TAFA2: variants seen among roughly 807,000 people sequenced by gnomAD.
TAFA2 encodes the protein TAFA chemokine like family member 2.
A neutral mutation model predicts 18.8 loss-of-function variants in TAFA2; 7 were observed. The observed-to-expected ratio is 0.37, with a 90% CI of 0.21 to 0.70. The LOEUF (loss-of-function observed/expected upper bound fraction) is 0.70. TAFA2 is among the 30% of genes least tolerant of loss of function. The pLI is 0.53. For missense variants in TAFA2, 122 were observed against 158.1 expected (o/e 0.77, Z 1.23); for synonymous variants, 60 against 54.2 (o/e 1.11, Z -0.47).
At chr12:62,148,750 T>G (rs1337282721) in intron 1 of TAFA2, among the ~76,000 whole-genome samples, 1 of 152,188 alleles carries the variant, frequency 6.6e-6, no homozygotes. Context: ...GACAAAGGGT[T>G]TTGTCTCACT....
At chr12:62,221,204 AGGAAGGAAGGGG>A (rs2062759699) in intron 1 of TAFA2, among the ~76,000 whole-genome samples, 2 of 114,632 alleles carry the variant, frequency 1.7e-5, no homozygotes, top group Non-Finnish European at 3.6e-5. Context: ...GAAGGAGGGA[AGGAAGGAAGGGG>A]GGAAGGAAGG....
In TAFA2 at chr12:62,229,783, A is replaced by G. The variant is rs78598436; in HGVS notation, c.-130+28980T>C. On this transcript the variant is annotated intron_variant, in intron 1 of 5. Coordinates refer to the TAFA2 transcript ENST00000551619. ...AATTTTTTGGAATAGTTTAGGTAAAATTGTATTAGTTCTTTTTTAAATGTT... is the reference window on the plus strand; with the variant it reads ...AATTTTTTGGAATAGTTTAGGTAAAGTTGTATTAGTTCTTTTTTAAATGTT... Among the ~76,000 whole-genome samples the G allele has an allele frequency of 9.4e-3, 1,424 of 152,154 alleles. 20 individuals carry two copies. Among genetic ancestry groups the G allele is most frequent in the African/African-American group, 0.028 (1,158 of 41,526 alleles).
chr12:62,038,620 T>C (rs1881674091), intron 1 of TAFA2, among the ~76,000 whole-genome samples: 1 of 152,082 alleles, frequency 6.6e-6, no homozygotes, highest in Non-Finnish European at 1.5e-5. Flanking sequence ...CTGGAGTCAG[T>C]GCCCCACAGA....
At chr12:61,764,632 A>G (rs895964401) in intron 2 of TAFA2, among the ~76,000 whole-genome samples, 2 of 152,132 alleles carry the variant, frequency 1.3e-5, no homozygotes, top group African/African-American at 4.8e-5. Context: ...ATTTCTCCCA[A>G]TTCAAAAGTT....
chr12:61,856,118 C>T (rs76900431), intron 2 of TAFA2, among the ~76,000 whole-genome samples: 4,525 of 151,874 alleles, frequency 0.03, 233 homozygotes, highest in African/African-American at 0.1. Context: ...GGTAAAGAAA[C>T]TATCTTAAAA....
chr12:61,851,172 T>G (rs1873626748), intron 2 of TAFA2, among the ~76,000 whole-genome samples: 2 of 152,140 alleles, frequency 1.3e-5, no homozygotes, highest in Non-Finnish European at 2.9e-5. Flanking sequence ...ATTCAATTAG[T>G]TACAATTGTG....
At chr12:62,165,271 C>A in intron 1 of TAFA2, among the ~76,000 whole-genome samples, 1 of 152,128 alleles carries the variant, frequency 6.6e-6, no homozygotes, top group South Asian at 2.1e-4. Context: ...AGCAACACCA[C>A]GCTAAACCAA....
intron 2 of TAFA2, among the ~76,000 whole-genome samples, chr12:61,757,784 C>T (rs1001510318): frequency 6.6e-6 from 1 of 151,996 alleles, no homozygotes; most frequent in Non-Finnish European, 1.5e-5. Context: ...AGAGATTGAT[C>T]ATCTATGTCA....
At chr12:62,039,973 G>C (rs1881714535) in intron 1 of TAFA2, among the ~76,000 whole-genome samples, 1 of 152,144 alleles carries the variant, frequency 6.6e-6, no homozygotes, top group Admixed American at 6.5e-5. Context: ...TCCTCCGGTT[G>C]ATTTTTCTGA....
intron 1 of TAFA2, among the ~76,000 whole-genome samples, chr12:62,056,967 T>G (rs921504753): frequency 6.6e-6 from 1 of 152,208 alleles, no homozygotes; most frequent in African/African-American, 2.4e-5. Context: ...TAGTTTTTAG[T>G]CTCTCATGCT....
chr12:62,114,194 G>A (rs1271710343), intron 1 of TAFA2, among the ~76,000 whole-genome samples: 1 of 152,186 alleles, frequency 6.6e-6, no homozygotes. Flanking sequence ...GGGCCAGAAT[G>A]CACCATTCCT....
At chr12:62,198,271 A>T (rs1165641983) in intron 1 of TAFA2, 2 of 151,972 alleles carry the variant, frequency 1.3e-5, no homozygotes, top group African/African-American at 4.8e-5. Context: ...AGAGCCAGTC[A>T]TTGATTTTTT....
chr12:61,724,917 C>T (rs1472677092), intron 4 of TAFA2, among the ~76,000 whole-genome samples: 1 of 151,414 alleles, frequency 6.6e-6, no homozygotes, highest in Non-Finnish European at 1.5e-5. Context: ...AGTGGTTGTA[C>T]TAGTTTACAT....
intron 1 of TAFA2, among the ~76,000 whole-genome samples, chr12:62,057,988 C>G (rs1882230059): frequency 6.6e-6 from 1 of 152,168 alleles, no homozygotes; most frequent in African/African-American, 2.4e-5. Flanking sequence ...CAAGCTCTCT[C>G]TTTGTCTGAA....
chr12:62,162,185 T>C (rs908000871), intron 1 of TAFA2, among the ~76,000 whole-genome samples: 2 of 152,316 alleles, frequency 1.3e-5, no homozygotes, highest in African/African-American at 4.8e-5. Flanking sequence ...GAGCCCTATC[T>C]CTCAGTTTCT....
At chr12:61,742,434 A>G (rs1868498194) in intron 4 of TAFA2, among the ~76,000 whole-genome samples, 1 of 152,088 alleles carries the variant, frequency 6.6e-6, no homozygotes, top group South Asian at 2.1e-4. Context: ...ATATCCTTGT[A>G]TCAATTGAAA....
At chr12:62,083,571 A>G (rs1348464537) in intron 1 of TAFA2, among the ~76,000 whole-genome samples, 1 of 152,208 alleles carries the variant, frequency 6.6e-6, no homozygotes, top group Admixed American at 6.5e-5. Flanking sequence ...AGCCTGAACA[A>G]TACTTTTATA....
intron 1 of TAFA2, among the ~76,000 whole-genome samples, chr12:62,016,098 A>C (rs1256467507): frequency 6.6e-6 from 1 of 152,238 alleles, no homozygotes; most frequent in Non-Finnish European, 1.5e-5. Context: ...ACTGTGTCAC[A>C]CATGGCAGTT....
intron 1 of TAFA2, among the ~76,000 whole-genome samples, chr12:62,177,199 G>A (rs529921299): frequency 1.3e-5 from 2 of 152,360 alleles, no homozygotes; most frequent in Admixed American, 6.5e-5. Flanking sequence ...CACAGCCTCA[G>A]TGCACAATGA....
Sources: gnomAD v4.1 joint callset for allele counts (sites outside exome capture counted in the v4.1 genomes callset) on GRCh38, gnomAD v4.1.1 for gene constraint, MANE v1.5 for transcripts, NCBI Gene and HGNC (gene_info 2026-07-23, HGNC 2026-07-21) for gene names.